TBCK: variants seen among roughly 807,000 people sequenced by gnomAD.
TBCK encodes TBC domain-containing protein kinase-like protein.
Under a neutral mutation model 113.4 loss-of-function variants are expected in TBCK, and 99 were observed. The ratio of observed to expected loss-of-function variants is 0.87; its 90% confidence interval spans 0.74 to 1.03. The LOEUF is 1.03. TBCK is among the 50% of genes least tolerant of loss of function. TBCK has a pLI of 0.00. For missense variants in TBCK, 1,045 were observed against 1,061.3 expected, an observed-to-expected ratio of 0.98 and a Z score of 0.21; for synonymous variants, 369 against 370.8, an observed-to-expected ratio of 1.00 and a Z score of 0.05.
intron 23 of TBCK, among the ~76,000 whole-genome samples, chr4:106,138,360 A>C (rs556675893): frequency 2.1e-5 from 3 of 141,276 alleles, no homozygotes; most frequent in South Asian, 4.8e-4. Context: ...AAAAGGTCCC[A>C]AAACTCTTGC....
chr4:106,059,706 G>GT (rs1458228859), intron 25 of TBCK, among the ~76,000 whole-genome samples: 1 of 151,670 alleles, frequency 6.6e-6, no homozygotes, highest in Non-Finnish European at 1.5e-5. Context: ...CAAATGAAAG[G>GT]AAGAGTCACA....
chr4:106,079,407 T>A (rs1382278120), intron 25 of TBCK, among the ~76,000 whole-genome samples: 4 of 152,338 alleles, frequency 2.6e-5, no homozygotes, highest in Middle Eastern at 3.4e-3. Context: ...ATGATATGAT[T>A]GTATACCTAG....
Position 106,045,770 on chromosome 4 carries a change from C to A in TBCK, c.*800G>T, listed in dbSNP as rs1734165112. 1 of 152,016 alleles carries A rather than the reference C, an allele frequency of 6.6e-6. No homozygotes were observed. 9.4% of individuals were successfully genotyped at this position (152,016 alleles called of 1,614,324 possible). ...TAGATAGCAGATGTGATGGTAGAAG[C>A]TGAGGAGCCATTTTCATCCATGAGA... On this transcript the variant is annotated 3_prime_UTR_variant, in exon 26 of 26. Transcript: ENST00000394708.
intron 25 of TBCK, among the ~76,000 whole-genome samples, chr4:106,068,782 T>C (rs1736983252): frequency 6.6e-6 from 1 of 152,200 alleles, no homozygotes; most frequent in Non-Finnish European, 1.5e-5. Context: ...AGTGTTCCTA[T>C]TTCTCCACGT....
At chr4:106,118,999 A>G (rs1743916876) in intron 23 of TBCK, among the ~76,000 whole-genome samples, 1 of 152,242 alleles carries the variant, frequency 6.6e-6, no homozygotes, top group African/African-American at 2.4e-5. Flanking sequence ...TTAAATTTAG[A>G]AAAAATTATA....
chr4:106,305,867 G>A (rs570086130), intron 2 of TBCK, among the ~76,000 whole-genome samples: 5 of 152,266 alleles, frequency 3.3e-5, no homozygotes, highest in South Asian at 4.1e-4. Context: ...CCAAGGCAAC[G>A]TCAGGAAGTG....
At chr4:106,050,516 T>C (rs1385054191) in intron 25 of TBCK, among the ~76,000 whole-genome samples, 1 of 152,076 alleles carries the variant, frequency 6.6e-6, no homozygotes, top group Non-Finnish European at 1.5e-5. Flanking sequence ...AATATTATGC[T>C]GGAAATCAGT....
Position 106,244,843 on chromosome 4 carries a change from A to T in TBCK, c.932-79T>A. The T allele has an allele frequency of 4.7e-6, 4 of 850,324 alleles. No homozygotes were observed. The South Asian group carries it at 6.9e-5, about 15-fold the overall frequency. 52.7% of individuals were successfully genotyped at this position (850,324 alleles called of 1,614,324 possible). On this transcript the variant is annotated intron_variant, in intron 10 of 25. Transcript: ENST00000394708. Reference sequence around the variant, plus strand: ...ACGTCAACAGGCAGTAATAGCTGCCATTCTAAAAAAAATAAACTCTGAAGA... The same window carrying T: ...ACGTCAACAGGCAGTAATAGCTGCCTTTCTAAAAAAAATAAACTCTGAAGA...
chr4:106,249,008 T>C, intron 7 of TBCK, 26 bp from the exon 8 acceptor site: 14 of 1,523,456 alleles, frequency 9.2e-6, no homozygotes, highest in Non-Finnish European at 1.2e-5. Context: ...ACTATATGAA[T>C]AAATGCTATT....
chr4:106,302,055 A>G (rs1767002583), intron 2 of TBCK, among the ~76,000 whole-genome samples: 1 of 152,242 alleles, frequency 6.6e-6, no homozygotes, highest in Non-Finnish European at 1.5e-5. Context: ...TTCCTTATAC[A>G]CACAACTTTT....
In TBCK at chr4:106,215,466, T is replaced by A. The variant is rs866739103; in HGVS notation, c.1775-2631A>T. ...ACCCATCAGTGTGCTGTATTCAGGA[T>A]ACCAATCTCACGTGCAGAGACACAC... On this transcript the variant is annotated intron_variant, in intron 19 of 25. Coordinates refer to ENST00000394708, the MANE Select transcript of TBCK (RefSeq NM_001163435.3). 5.9e-5 allele frequency among the ~76,000 whole-genome samples: 9 copies of A among 152,112 alleles called. 1 individual carries two copies. In the South Asian group the frequency reaches 1.5e-3, roughly 25 times the overall value.
intron 25 of TBCK, among the ~76,000 whole-genome samples, chr4:106,054,585 G>T (rs780706229): frequency 6.6e-6 from 1 of 151,564 alleles, no homozygotes; most frequent in African/African-American, 2.4e-5. Flanking sequence ...CCCAAATATT[G>T]TAAGTTCCAT....
At chr4:106,167,289 C>T (rs532411804) in intron 23 of TBCK, among the ~76,000 whole-genome samples, 14 of 149,738 alleles carry the variant, frequency 9.3e-5, no homozygotes, top group South Asian at 4.2e-4. Context: ...TACTTAGACA[C>T]GAAACAGAAC....
At chr4:106,226,423 A>G (rs994553131) in intron 19 of TBCK, among the ~76,000 whole-genome samples, 1 of 152,212 alleles carries the variant, frequency 6.6e-6, no homozygotes, top group Non-Finnish European at 1.5e-5. Flanking sequence ...TCTAAGAAAC[A>G]GTCTAATCAG....
chr4:106,118,954 GTTC>G (rs1743911485), intron 23 of TBCK, among the ~76,000 whole-genome samples: 1 of 152,156 alleles, frequency 6.6e-6, no homozygotes, highest in Non-Finnish European at 1.5e-5. Context: ...ATGTATACAA[GTTC>G]TTCTGCAAAT....
chr4:106,185,107 A>T (rs1175532102), intron 22 of TBCK, among the ~76,000 whole-genome samples: 1 of 152,086 alleles, frequency 6.6e-6, no homozygotes, highest in Non-Finnish European at 1.5e-5. Context: ...ACCTTGTTCC[A>T]AGTTCAATAA....
intron 2 of TBCK, among the ~76,000 whole-genome samples, chr4:106,299,326 C>T (rs17333899): frequency 0.13 from 19,717 of 152,208 alleles, 1,616 homozygotes; most frequent in South Asian, 0.24. Context: ...CTCAGTATAA[C>T]TCAGTAGCAC....
At chr4:106,091,156 G>C (rs1331444492) in intron 25 of TBCK, among the ~76,000 whole-genome samples, 1 of 152,174 alleles carries the variant, frequency 6.6e-6, no homozygotes, top group Non-Finnish European at 1.5e-5. Flanking sequence ...CAGAAAGCAT[G>C]GTGCTGACAT....
At chr4:106,260,376 C>A in intron 5 of TBCK, 61 bp downstream of exon 5, 1 of 656,330 alleles carries the variant, frequency 1.5e-6, no homozygotes. Flanking sequence ...ACAAAATATA[C>A]ATGTTATCAA....
Sources: gnomAD v4.1 joint callset for allele counts (sites outside exome capture counted in the v4.1 genomes callset) on GRCh38, gnomAD v4.1.1 for gene constraint, MANE v1.5 for transcripts, NCBI Gene and HGNC (gene_info 2026-07-23, HGNC 2026-07-21) for gene names.